CACNA1D: variants seen among roughly 807,000 people sequenced by gnomAD.
CACNA1D encodes the protein calcium voltage-gated channel subunit alpha1 D.
A neutral mutation model predicts 257.1 loss-of-function variants in CACNA1D; 55 were observed. The observed-to-expected ratio is 0.21, with a 90% CI of 0.17 to 0.27. CACNA1D has a LOEUF of 0.27. CACNA1D is among the 10% of genes least tolerant of loss of function. The pLI, the probability that CACNA1D is intolerant of heterozygous loss-of-function variation, is 1.00. For missense variants in CACNA1D, 1,876 were observed against 2,784.0 expected, an observed-to-expected ratio of 0.67 and a Z score of 7.34; for synonymous variants, 980 against 1,014.9, an observed-to-expected ratio of 0.97 and a Z score of 0.65.
chr3:53,681,446 A>G (rs1001965403), intron 8 of CACNA1D, among the ~76,000 whole-genome samples: 1 of 152,204 alleles, frequency 6.6e-6, no homozygotes, highest in African/African-American at 2.4e-5. Flanking sequence ...CCTCTCTCTT[A>G]ACTTCCTAAG....
intron 15 of CACNA1D, among the ~76,000 whole-genome samples, chr3:53,728,018 G>A (rs1464001565): frequency 1.3e-5 from 2 of 152,034 alleles, no homozygotes; most frequent in Non-Finnish European, 2.9e-5. Context: ...CTCCACAAGA[G>A]CCACCCCTGC....
chr3:53,708,638 G>T (rs1425166128), intron 9 of CACNA1D, among the ~76,000 whole-genome samples: 5 of 152,222 alleles, frequency 3.3e-5, no homozygotes, highest in African/African-American at 1.2e-4. Context: ...GACAAGGAGT[G>T]GGTACTCCAG....
At chr3:53,597,284 G>A (rs1420790815) in intron 3 of CACNA1D, among the ~76,000 whole-genome samples, 1 of 152,228 alleles carries the variant, frequency 6.6e-6, no homozygotes, top group Non-Finnish European at 1.5e-5. Context: ...TAATTGCTAA[G>A]TGAATCATCA....
chr3:53,559,947 C>T (rs548530522), intron 3 of CACNA1D, among the ~76,000 whole-genome samples: 1 of 147,276 alleles, frequency 6.8e-6, no homozygotes, highest in South Asian at 2.3e-4. Flanking sequence ...TTTTAGGTAC[C>T]TGCTCCGCCT....
At chr3:53,505,795 A>G (rs1230685260) in intron 3 of CACNA1D, among the ~76,000 whole-genome samples, 1 of 152,192 alleles carries the variant, frequency 6.6e-6, no homozygotes, top group East Asian at 1.9e-4. Context: ...CTCTGGTTCC[A>G]GGGCTCAGAG....
intron 45 of CACNA1D, 141 bp from the exon 46 acceptor site, chr3:53,808,508 A>T (rs2095578847): frequency 1.0e-6 from 1 of 968,442 alleles, no homozygotes; most frequent in African/African-American, 1.6e-5. Flanking sequence ...TGGAGACCTC[A>T]CTACCTAATC....
rs141186712 is a variant in CACNA1D, at chr3:53,702,886, G to A, written c.1390+76G>A. On this transcript the variant is annotated intron_variant, in intron 9 of 47. Transcript: ENST00000350061. ...AGACGCCTAGCAGTAGGCCTTCCTC[G>A]ACTCTGACCCAGGCTGTGAGTGGGA... 1.0e-3 allele frequency: 1,558 copies of A among 1,514,820 alleles called. 15 individuals are homozygous for A. The African/African-American group carries it at 0.019, about 18-fold the overall frequency. The allele number at this position is 1,514,820 out of a possible 1,614,324, so 93.8% of individuals were successfully genotyped here.
In CACNA1D at chr3:53,762,134, G is replaced by A. The variant is rs1294308687; in HGVS notation, c.3870+53G>A. 1.5e-5 allele frequency: 16 copies of A among 1,075,940 alleles called. No homozygotes were observed. In the East Asian group the frequency reaches 3.3e-4, roughly 22 times the overall value. 66.6% of individuals were successfully genotyped at this position (1,075,940 alleles called of 1,614,324 possible). A position where few individuals can be genotyped will look rare whatever the true frequency, so the allele number is the denominator to read the frequency against. ...CCTGTGTCCTCTCTCCTCTGTCTGT[G>A]CATACTCCGCTCCCTGCCCTGCAGT... On this transcript the variant is annotated intron_variant, in intron 30 of 47. Transcript: ENST00000350061.
chr3:53,650,757 GTTTC>G lies in CACNA1D; in HGVS notation c.484-18_484-15del, dbSNP rs1237447316. 2.5e-6 allele frequency: 4 copies of G among 1,613,054 alleles called. No individual in the cohort carries two copies. In the East Asian group the frequency reaches 6.7e-5, roughly 27 times the overall value. ...TCCCCTGCCCCTGCTTTTTTGGTAT[GTTTC>G]TTTGTTTTTCTTCACAGGAAAAAGT... On this transcript the variant is annotated intron_variant, in intron 3 of 47. Transcript: ENST00000350061.
Position 53,807,248 on chromosome 3 carries a change from G to A in CACNA1D, c.5750-1401G>A, listed in dbSNP as rs79911537. ...AGCCCCCAGCCCGGCCATTCGATCT[G>A]GAAACCTATGCTCCACAGCACAGTT... is the stretch of plus-strand genomic sequence containing the variant. On this transcript the variant is annotated intron_variant, in intron 45 of 47. Transcript: ENST00000350061. 5.6e-3 allele frequency among the ~76,000 whole-genome samples: 858 copies of A among 152,364 alleles called. 14 individuals are homozygous for A. Among genetic ancestry groups the A allele is most frequent in the African/African-American group, 0.02 (837 of 41,584 alleles).
intron 40 of CACNA1D, chr3:53,791,564 GCCATGACCT>G (rs2095483137): frequency 6.5e-6 from 1 of 154,220 alleles, no homozygotes; most frequent in African/African-American, 2.4e-5. Context: ...ATGCCAGTCC[GCCATGACCT>G]CCTGAGCGTC....
At chr3:53,785,582 A>G (rs2095448467) in intron 39 of CACNA1D, 1 of 152,238 alleles carries the variant, frequency 6.6e-6, no homozygotes, top group Non-Finnish European at 1.5e-5. Context: ...TTCAGGATCC[A>G]TGTCAATGGA....
chr3:53,747,880 G>T (rs1212428903), intron 26 of CACNA1D, among the ~76,000 whole-genome samples: 1 of 152,162 alleles, frequency 6.6e-6, no homozygotes. Flanking sequence ...GCACCTGCTC[G>T]CTCATTTACA....
chr3:53,659,850 T>C (rs929176161), intron 4 of CACNA1D, among the ~76,000 whole-genome samples: 5 of 152,254 alleles, frequency 3.3e-5, no homozygotes, highest in Non-Finnish European at 7.3e-5. Context: ...GTTCCACTTG[T>C]CATCATTGAG....
rs147336902 is a variant in CACNA1D at position 53,666,373 on chromosome 3, G to C, written c.954G>C (p.Ala318=). 1 of 1,614,142 alleles carries C rather than the reference G, an allele frequency of 6.2e-7. No individual in the cohort carries two copies. Among genetic ancestry groups the C allele is most frequent in the South Asian group, 1.1e-5 (1 of 91,078 alleles). ...IVAEEDPAPC[A]FSGNGRQCTA... ...CTGAAGAGGACCCAGCTCCATGTGCGTTCTCAGGGAATGGACGCCAGTGTA... is the reference window on the plus strand; with the variant it reads ...CTGAAGAGGACCCAGCTCCATGTGCCTTCTCAGGGAATGGACGCCAGTGTA... Residue 318 remains alanine, a synonymous_variant, in exon 7 of 48, where the codon GCG becomes GCC. Transcript: ENST00000350061.
intron 3 of CACNA1D, among the ~76,000 whole-genome samples, chr3:53,562,661 C>A (rs1860417): frequency 0.018 from 2,713 of 152,166 alleles, 74 homozygotes; most frequent in African/African-American, 0.062. Context: ...GCCTCCCCCC[C>A]CAAATTCTCT....
chr3:53,567,898 C>T (rs899235582), intron 3 of CACNA1D, among the ~76,000 whole-genome samples: 2 of 152,112 alleles, frequency 1.3e-5, no homozygotes, highest in African/African-American at 4.8e-5. Flanking sequence ...TCAGGAATTC[C>T]TAGAGACTGA....
intron 3 of CACNA1D, among the ~76,000 whole-genome samples, chr3:53,549,449 C>T (rs943175181): frequency 6.6e-6 from 1 of 151,898 alleles, no homozygotes; most frequent in African/African-American, 2.4e-5. Context: ...TGTTGACTTG[C>T]TGAAGGGCCT....
intron 3 of CACNA1D, among the ~76,000 whole-genome samples, chr3:53,619,923 A>G (rs1319583845): frequency 6.6e-6 from 1 of 152,176 alleles, no homozygotes; most frequent in African/African-American, 2.4e-5. Context: ...AAGCATTGGT[A>G]ATATGGTGGC....
Sources: gnomAD v4.1 joint callset for allele counts (sites outside exome capture counted in the v4.1 genomes callset) on GRCh38, gnomAD v4.1.1 for gene constraint, MANE v1.5 for transcripts, NCBI Gene and HGNC (gene_info 2026-07-23, HGNC 2026-07-21) for gene names.